GABRG3: variants seen among roughly 807,000 people sequenced by gnomAD.
GABRG3 encodes the protein gamma-aminobutyric acid receptor subunit gamma-3.
A neutral mutation model predicts 48.8 loss-of-function variants in GABRG3; 25 were observed. That is an observed-to-expected ratio of 0.51 (90% confidence interval 0.37 to 0.72). The LOEUF (loss-of-function observed/expected upper bound fraction) is 0.72. GABRG3 is among the 30% of genes least tolerant of loss of function. The pLI is 0.00. For synonymous variants in GABRG3, 227 were observed against 217.6 expected, an observed-to-expected ratio of 1.04 and a Z score of -0.38; for missense variants, 394 against 577.9, an observed-to-expected ratio of 0.68 and a Z score of 3.26.
chr15:27,347,311 A>G (rs1894407674), intron 5 of GABRG3, among the ~76,000 whole-genome samples: 1 of 152,220 alleles, frequency 6.6e-6, no homozygotes, highest in East Asian at 1.9e-4. Context: ...TTGTTCTGTA[A>G]TCTTACATTT....
At chr15:27,345,773 G>T (rs150948907) in intron 5 of GABRG3, among the ~76,000 whole-genome samples, 4,774 of 152,138 alleles carry the variant, frequency 0.031, 116 homozygotes, top group Non-Finnish European at 0.048. Context: ...GAAACTTTTG[G>T]CTGAGCACTG....
chr15:27,006,995 A>C (rs991943615), intron 2 of GABRG3, among the ~76,000 whole-genome samples: 4 of 151,184 alleles, frequency 2.6e-5, no homozygotes, highest in Non-Finnish European at 5.9e-5. Context: ...CACACCACCA[A>C]TCCAGAGTTG....
chr15:27,053,006 A>C (rs978129390), intron 3 of GABRG3, among the ~76,000 whole-genome samples: 83 of 152,374 alleles, frequency 5.4e-4, no homozygotes, highest in African/African-American at 1.8e-3. Context: ...ATATACAAAA[A>C]TTAACTCAAG....
At chr15:27,501,356 C>T (rs1053613778) in intron 6 of GABRG3, among the ~76,000 whole-genome samples, 2 of 152,170 alleles carry the variant, frequency 1.3e-5, no homozygotes, top group African/African-American at 4.8e-5. Context: ...CCAGAACAGA[C>T]TCTTTTCTAA....
At chr15:27,152,247 A>G (rs764048819) in intron 3 of GABRG3, among the ~76,000 whole-genome samples, 14 of 152,162 alleles carry the variant, frequency 9.2e-5, no homozygotes, top group Non-Finnish European at 2.1e-4. Context: ...TGTTTCCTCC[A>G]TGAAATCCCT....
At chr15:27,330,372 A>G (rs1288144700) in intron 5 of GABRG3, among the ~76,000 whole-genome samples, 1 of 152,228 alleles carries the variant, frequency 6.6e-6, no homozygotes, top group Non-Finnish European at 1.5e-5. Context: ...TCAAATGTAA[A>G]ATATGTTCAT....
rs11852536 is a variant in GABRG3 at position 27,041,226 on chromosome 15, A to G, written c.270+14405A>G. Among the ~76,000 whole-genome samples, 1,058 of 152,296 alleles carry G rather than the reference A, an allele frequency of 6.9e-3. 12 individuals carry two copies. Among genetic ancestry groups the G allele is most frequent in the African/African-American group, 0.024 (989 of 41,562 alleles). On this transcript the variant is annotated intron_variant, in intron 3 of 9. Transcript: ENST00000615808. ...GAGGCAGGGTCTCTCTGTGTCACCC[A>G]GGCTGGAGCACAGAGGTGCAATCTT...
chr15:27,119,784 C>T (rs890076456), intron 3 of GABRG3, among the ~76,000 whole-genome samples: 3 of 152,198 alleles, frequency 2.0e-5, no homozygotes, highest in African/African-American at 7.2e-5. Flanking sequence ...CTCTCAGCTC[C>T]CAGAGGTGCC....
intron 5 of GABRG3, among the ~76,000 whole-genome samples, chr15:27,340,111 G>A (rs1395128760): frequency 1.3e-5 from 2 of 152,122 alleles, no homozygotes; most frequent in Non-Finnish European, 2.9e-5. Context: ...CCATCTGCAA[G>A]GTGGGAATGA....
chr15:27,341,885 A>C (rs1044181077), intron 5 of GABRG3, among the ~76,000 whole-genome samples: 1 of 152,188 alleles, frequency 6.6e-6, no homozygotes, highest in Non-Finnish European at 1.5e-5. Flanking sequence ...ATCTCTGACA[A>C]CTGTGTTGGC....
Position 27,026,751 on chromosome 15 carries a change from C to T in GABRG3, c.203-3C>T. On this transcript the variant is annotated splice_region_variant and splice_polypyrimidine_tract_variant and intron_variant, in intron 2 of 9. Coordinates refer to ENST00000615808, the MANE Select transcript of GABRG3 (RefSeq NM_033223.5). ...ATTAACATACATGTATTTTTCTCCACAGTAAAACCGACCGTAATTGACGTT... is the reference window on the plus strand; with the variant it reads ...ATTAACATACATGTATTTTTCTCCATAGTAAAACCGACCGTAATTGACGTT... 3 of 1,609,792 alleles carry T rather than the reference C, an allele frequency of 1.9e-6. No homozygotes were observed. Among genetic ancestry groups the T allele is most frequent in the Non-Finnish European group, 1.7e-6 (2 of 1,178,056 alleles).
At chr15:27,019,007 A>G (rs1038192793) in intron 2 of GABRG3, among the ~76,000 whole-genome samples, 1 of 143,804 alleles carries the variant, frequency 7.0e-6, no homozygotes, top group African/African-American at 2.5e-5. Flanking sequence ...CATGATGATG[A>G]TGGTAAAAAA....
At chr15:27,405,394 G>C (rs527685394) in intron 5 of GABRG3, among the ~76,000 whole-genome samples, 1 of 152,188 alleles carries the variant, frequency 6.6e-6, no homozygotes, top group African/African-American at 2.4e-5. Flanking sequence ...TGTCATGCAT[G>C]TTAGATTGGA....
chr15:27,261,783 C>A (rs1031804478), intron 3 of GABRG3, among the ~76,000 whole-genome samples: 4 of 151,958 alleles, frequency 2.6e-5, no homozygotes, highest in African/African-American at 9.7e-5. Context: ...TTTATTTCAA[C>A]CCAAACAAAG....
At chr15:27,481,169 T>G in intron 6 of GABRG3, 1 of 1,022,662 alleles carries the variant, frequency 9.8e-7, no homozygotes. Flanking sequence ...TGGTGTGATA[T>G]GTCCTTTGAG....
At chr15:27,129,625 G>A (rs1897880948) in intron 3 of GABRG3, among the ~76,000 whole-genome samples, 2 of 151,760 alleles carry the variant, frequency 1.3e-5, no homozygotes, top group African/African-American at 4.8e-5. Flanking sequence ...GTTTTCCATA[G>A]TGGCTATGCC....
At chr15:27,228,549 G>A (rs562253131) in intron 3 of GABRG3, among the ~76,000 whole-genome samples, 1 of 152,096 alleles carries the variant, frequency 6.6e-6, no homozygotes, top group Admixed American at 6.5e-5. Flanking sequence ...TCTTTATGGT[G>A]GAATGATTTA....
intron 5 of GABRG3, among the ~76,000 whole-genome samples, chr15:27,436,881 A>G (rs1888628300): frequency 6.6e-6 from 1 of 152,136 alleles, no homozygotes; most frequent in Admixed American, 6.5e-5. Flanking sequence ...CTGTGGTCCC[A>G]GCTACACAGA....
rs1488755012 is a variant in GABRG3, at chr15:27,352,246, A to C, written c.574+23358A>C. On this transcript the variant is annotated intron_variant, in intron 5 of 9. Transcript: ENST00000615808. The surrounding 1 kb of genome is among the most constrained non-coding windows in gnomAD (Gnocchi z 4.0). Reference sequence around the variant, plus strand: ...GTGTAGGGATTCTGCCAGACCGTTCAGCTAATCTCCGTCTCGCGCTCACTG... The same window carrying C: ...GTGTAGGGATTCTGCCAGACCGTTCCGCTAATCTCCGTCTCGCGCTCACTG... Among the ~76,000 whole-genome samples the C allele has an allele frequency of 2.0e-5, 3 of 151,714 alleles. No individual in the cohort carries two copies. Among genetic ancestry groups the C allele is most frequent in the Non-Finnish European group, 4.4e-5 (3 of 67,952 alleles).
Sources: allele counts gnomAD v4.1 joint callset (sites outside exome capture counted in the v4.1 genomes callset), GRCh38; gene constraint gnomAD v4.1.1; non-coding constraint Gnocchi (gnomAD v3.1); transcripts MANE v1.5; gene names NCBI Gene and HGNC (gene_info 2026-07-23, HGNC 2026-07-21).